The following MED26 variants were observed in gnomAD, a reference collection of about 807,000 sequenced individuals.
MED26 encodes mediator complex subunit 26.
MED26 carries 7 observed loss-of-function variants against 43.7 expected under a neutral mutation model. That is an observed-to-expected ratio of 0.16 (90% CI 0.09 to 0.30). The LOEUF (loss-of-function observed/expected upper bound fraction) is 0.30. MED26 is among the 10% of genes least tolerant of loss of function. MED26 has a pLI of 1.00. For synonymous variants in MED26, 375 were observed against 371.1 expected (o/e 1.01, Z -0.12); for missense variants, 784 against 840.6 (o/e 0.93, Z 0.83).
chr19:16,589,648 G>A (rs868337229), intron 1 of MED26, among the ~76,000 whole-genome samples: 1 of 152,212 alleles, frequency 6.6e-6, no homozygotes, highest in South Asian at 2.1e-4. Context: ...GGCTTCAGGG[G>A]AAAGGCTCTG....
intron 1 of MED26, among the ~76,000 whole-genome samples, chr19:16,606,679 T>C (rs1278139625): frequency 1.3e-5 from 2 of 152,250 alleles, no homozygotes; most frequent in Admixed American, 1.3e-4. Context: ...AGAGAGATTT[T>C]TGATGGCTCA....
At chr19:16,593,267 G>A (rs575937821) in intron 1 of MED26, among the ~76,000 whole-genome samples, 2 of 152,304 alleles carry the variant, frequency 1.3e-5, no homozygotes, top group African/African-American at 4.8e-5. Flanking sequence ...CCATTCACTG[G>A]GTCTGGAAAG....
chr19:16,588,950 T>C (rs1036237916), intron 1 of MED26: 1 of 152,276 alleles, frequency 6.6e-6, no homozygotes, highest in African/African-American at 2.4e-5. Flanking sequence ...CGCTGGATGC[T>C]GGGAGGGGGC....
chr19:16,593,029 G>A (rs1314333525), intron 1 of MED26, among the ~76,000 whole-genome samples: 1 of 152,210 alleles, frequency 6.6e-6, no homozygotes, highest in Admixed American at 6.5e-5. Flanking sequence ...CTGTAGGTGG[G>A]CCAAGCAGGC....
In MED26 at chr19:16,627,924, G is replaced by T; in HGVS notation, c.20C>A (p.Ser7Tyr). The T allele has an allele frequency of 6.7e-7, 1 of 1,494,594 alleles. No individual in the cohort carries two copies. 92.6% of individuals were successfully genotyped at this position (1,494,594 alleles called of 1,614,324 possible). A position where few individuals can be genotyped will look rare whatever the true frequency, so the allele number is the denominator to read the frequency against. Residue 7 changes from serine (S) to tyrosine (Y), a missense_variant, in exon 1 of 3, where the codon TCT (serine) becomes TAT (tyrosine). Physicochemically the swap from Ser to Tyr is moderately radical, Grantham distance 144 (BLOSUM62 -2). This residue lies in a region of MED26 where 37 missense variants were observed against 30.3 expected (regional missense o/e 1.22). Coordinates refer to ENST00000263390, the MANE Select transcript of MED26 (RefSeq NM_004831.5). MTAAPA[S>Y]PQQIRDRLLQ... ...CAGCCGGTCCCTGATCTGCTGCGGAGACGCCGGAGCCGCTGTCATTGCCTG... is the reference window on the plus strand; with the variant it reads ...CAGCCGGTCCCTGATCTGCTGCGGATACGCCGGAGCCGCTGTCATTGCCTG...
chr19:16,626,579 C>A lies in MED26; in HGVS notation c.72+1293G>T, dbSNP rs543571731. On this transcript the variant is annotated intron_variant, in intron 1 of 2. Transcript: ENST00000263390. ...TCGAAAAAACTCATAACCCTTCAGT[C>A]TTAACCAAAAATTGTATAAGCCAAT... is the stretch of plus-strand genomic sequence containing the variant. Among the ~76,000 whole-genome samples the A allele has an allele frequency of 1.1e-3, 162 of 152,318 alleles. 1 individual carries two copies. The highest frequency in any genetic ancestry group is 3.5e-3 in the African/African-American group (147 of 41,580).
At chr19:16,581,311 A>G (rs1171448850) in intron 1 of MED26, among the ~76,000 whole-genome samples, 3 of 151,918 alleles carry the variant, frequency 2.0e-5, no homozygotes, top group Non-Finnish European at 4.4e-5. Flanking sequence ...TCCTGTCCGC[A>G]CTCCTCGTGC....
At chr19:16,627,161 G>A (rs911390068) in intron 1 of MED26, among the ~76,000 whole-genome samples, 5 of 152,160 alleles carry the variant, frequency 3.3e-5, no homozygotes, top group African/African-American at 1.2e-4. Context: ...AAAAAATGGA[G>A]CTCTGGCTTG....
intron 1 of MED26, among the ~76,000 whole-genome samples, chr19:16,581,518 A>G (rs575265427): frequency 1.2e-3 from 185 of 152,366 alleles, no homozygotes; most frequent in African/African-American, 4.2e-3. Flanking sequence ...CTCCTGAAGC[A>G]GCAGTCCTTG....
chr19:16,595,015 G>A (rs903370453), intron 1 of MED26, among the ~76,000 whole-genome samples: 2 of 152,086 alleles, frequency 1.3e-5, no homozygotes, highest in Non-Finnish European at 1.5e-5. Context: ...TGCTCCTGCC[G>A]GTGGCCCCTC....
chr19:16,599,730 C>G (rs912159615), intron 1 of MED26, among the ~76,000 whole-genome samples: 4 of 152,012 alleles, frequency 2.6e-5, no homozygotes, highest in Non-Finnish European at 5.9e-5. Context: ...AACCGCTCCC[C>G]TACCCTGCTG....
At chr19:16,621,617 C>G (rs1599350032) in intron 1 of MED26, among the ~76,000 whole-genome samples, 1 of 152,254 alleles carries the variant, frequency 6.6e-6, no homozygotes, top group East Asian at 1.9e-4. Flanking sequence ...CATGACCCCT[C>G]TCCTTTTGAA....
At chr19:16,618,797 A>G (rs1168964759) in intron 1 of MED26, among the ~76,000 whole-genome samples, 1 of 152,238 alleles carries the variant, frequency 6.6e-6, no homozygotes, top group Non-Finnish European at 1.5e-5. Context: ...TAAGCCAATC[A>G]ACTAATTCAA....
chr19:16,584,109 C>T (rs770459466), intron 1 of MED26, among the ~76,000 whole-genome samples: 3 of 152,004 alleles, frequency 2.0e-5, no homozygotes, highest in Non-Finnish European at 2.9e-5. Flanking sequence ...AAGGCTTCCA[C>T]GGGCGCGGTG....
At chr19:16,620,038 G>C (rs1292924927) in intron 1 of MED26, among the ~76,000 whole-genome samples, 1 of 152,194 alleles carries the variant, frequency 6.6e-6, no homozygotes, top group African/African-American at 2.4e-5. Context: ...ATCAAGCGCC[G>C]CCTTCTCTAT....
intron 1 of MED26, among the ~76,000 whole-genome samples, chr19:16,599,285 G>T (rs1009762492): frequency 6.6e-6 from 1 of 152,114 alleles, no homozygotes; most frequent in Non-Finnish European, 1.5e-5. Context: ...TCACCTACAA[G>T]CCCATAAAGT....
chr19:16,585,651 A>G lies in MED26; in HGVS notation c.73-7242T>C, dbSNP rs956862236. Among the ~76,000 whole-genome samples the G allele has an allele frequency of 1.3e-5, 2 of 152,212 alleles. 1 individual carries two copies. Among genetic ancestry groups the G allele is most frequent in the African/African-American group, 4.8e-5 (2 of 41,450 alleles). ...TCCAGGTTTCCCTCAAAGGCCAGCC[A>G]GCAGCACTCCTCTGTGGCCCTGTGA... On this transcript the variant is annotated intron_variant, in intron 1 of 2. Transcript: ENST00000263390.
intron 1 of MED26, among the ~76,000 whole-genome samples, chr19:16,598,803 T>C (rs2086134732): frequency 6.6e-6 from 1 of 152,026 alleles, no homozygotes; most frequent in African/African-American, 2.4e-5. Context: ...TAGGACAAAC[T>C]GTAAGGGAGA....
intron 1 of MED26, among the ~76,000 whole-genome samples, chr19:16,579,432 C>T (rs2086032954): frequency 6.6e-6 from 1 of 152,238 alleles, no homozygotes; most frequent in African/African-American, 2.4e-5. Context: ...TCGGGGGATA[C>T]AGCTGACTTT....
Sources: gnomAD v4.1 joint callset for allele counts (sites outside exome capture counted in the v4.1 genomes callset) on GRCh38, gnomAD v4.1.1 for gene constraint, gnomAD v4.1.1 regional missense constraint, MANE v1.5 for transcripts, NCBI Gene and HGNC (gene_info 2026-07-23, HGNC 2026-07-21) for gene names.